KIAA1328: variants seen among roughly 807,000 people sequenced by gnomAD.
KIAA1328 encodes KIAA1328.
A neutral mutation model predicts 68.1 loss-of-function variants in KIAA1328; 52 were observed. The ratio of observed to expected loss-of-function variants is 0.76; its 90% confidence interval spans 0.61 to 0.96. The LOEUF (loss-of-function observed/expected upper bound fraction) is 0.96. KIAA1328 is among the 40% of genes least tolerant of loss of function. KIAA1328 has a pLI of 0.00. For missense variants in KIAA1328, 641 were observed against 677.6 expected (o/e 0.95, Z 0.60); for synonymous variants, 232 against 239.4 (o/e 0.97, Z 0.28).
intron 7 of KIAA1328, among the ~76,000 whole-genome samples, chr18:37,141,112 T>TG (rs2058755157): frequency 6.6e-6 from 1 of 152,208 alleles, no homozygotes; most frequent in Admixed American, 6.5e-5. Flanking sequence ...AAATATAACT[T>TG]GCATTCAGTG....
At chr18:37,116,198 G>T (rs1390890111) in intron 7 of KIAA1328, among the ~76,000 whole-genome samples, 1 of 152,084 alleles carries the variant, frequency 6.6e-6, no homozygotes, top group South Asian at 2.1e-4. Context: ...AGCCTGCATT[G>T]CCAAGTCAAT....
chr18:36,840,324 G>A (rs1212650424), intron 3 of KIAA1328, among the ~76,000 whole-genome samples: 1 of 152,086 alleles, frequency 6.6e-6, no homozygotes, highest in East Asian at 1.9e-4. Context: ...TCTGGTCCCT[G>A]TTACTCCATC....
At chr18:37,204,752 GA>G (rs2060184056) in intron 9 of KIAA1328, among the ~76,000 whole-genome samples, 1 of 122,312 alleles carries the variant, frequency 8.2e-6, no homozygotes, top group Non-Finnish European at 1.7e-5. Flanking sequence ...AATTAAAAAG[GA>G]GTTTCAGTCA....
chr18:36,953,233 T>C (rs1465818947), intron 5 of KIAA1328, among the ~76,000 whole-genome samples: 1 of 147,786 alleles, frequency 6.8e-6, no homozygotes, highest in East Asian at 1.9e-4. Context: ...ATTAAATTAT[T>C]ATATTTATAA....
intron 7 of KIAA1328, among the ~76,000 whole-genome samples, chr18:37,070,336 G>A (rs2056481350): frequency 6.6e-6 from 1 of 152,102 alleles, no homozygotes; most frequent in Non-Finnish European, 1.5e-5. Context: ...TTATTTGACA[G>A]TATTGTTGAG....
chr18:37,116,759 C>T (rs2058120980), intron 7 of KIAA1328, among the ~76,000 whole-genome samples: 1 of 152,078 alleles, frequency 6.6e-6, no homozygotes, highest in African/African-American at 2.4e-5. Flanking sequence ...TGCAATCTAA[C>T]CATCTGACAA....
At chr18:36,859,056 A>G (rs1034260208) in intron 4 of KIAA1328, among the ~76,000 whole-genome samples, 9 of 152,066 alleles carry the variant, frequency 5.9e-5, no homozygotes, top group Non-Finnish European at 1.2e-4. Flanking sequence ...TGGGCAATTA[A>G]ATTTTCTATG....
chr18:37,100,108 G>A (rs976978986), intron 7 of KIAA1328, among the ~76,000 whole-genome samples: 2 of 152,146 alleles, frequency 1.3e-5, no homozygotes, highest in Non-Finnish European at 2.9e-5. Context: ...GCAGAAGACG[G>A]GTCATTTCTG....
chr18:36,891,090 C>T (rs1022305210), intron 5 of KIAA1328, among the ~76,000 whole-genome samples: 1 of 152,118 alleles, frequency 6.6e-6, no homozygotes, highest in African/African-American at 2.4e-5. Context: ...TAGCATTTCA[C>T]AACTGTGACA....
chr18:37,066,189 G>GA (rs2056331562), intron 6 of KIAA1328, among the ~76,000 whole-genome samples: 1 of 152,208 alleles, frequency 6.6e-6, no homozygotes, highest in South Asian at 2.1e-4. Flanking sequence ...TAAAATGTTG[G>GA]AAAATCTGAC....
intron 5 of KIAA1328, among the ~76,000 whole-genome samples, chr18:36,958,747 T>C (rs1298448703): frequency 6.6e-6 from 1 of 152,206 alleles, no homozygotes; most frequent in East Asian, 1.9e-4. Context: ...TTCTTTACCA[T>C]GTCATTTCCA....
chr18:37,132,659 A>AGTTTATC (rs1331572741), intron 7 of KIAA1328, among the ~76,000 whole-genome samples: 1 of 152,232 alleles, frequency 6.6e-6, no homozygotes, highest in East Asian at 1.9e-4. Flanking sequence ...GTATTTTTAA[A>AGTTTATC]GTTTATCACA....
At chr18:37,042,336 C>T (rs1458664033) in intron 6 of KIAA1328, among the ~76,000 whole-genome samples, 1 of 152,176 alleles carries the variant, frequency 6.6e-6, no homozygotes, top group Non-Finnish European at 1.5e-5. Context: ...TCTGTAGACT[C>T]AAGTAACTGG....
intron 9 of KIAA1328, among the ~76,000 whole-genome samples, chr18:37,220,393 A>G (rs1245314202): frequency 6.6e-6 from 1 of 152,240 alleles, no homozygotes; most frequent in East Asian, 1.9e-4. Context: ...CTCATTAATA[A>G]TTGGTTCATT....
chr18:37,038,809 C>T (rs1327335133), intron 6 of KIAA1328, among the ~76,000 whole-genome samples: 1 of 151,938 alleles, frequency 6.6e-6, no homozygotes, highest in East Asian at 1.9e-4. Flanking sequence ...TGTCTTTTAC[C>T]ATTTCACTAT....
chr18:36,952,585 G>C lies in KIAA1328; in HGVS notation c.449-6723G>C, dbSNP rs755204011. ...TAAGTTATATCATTACTAAGTACCA[G>C]AGTTACGATTTGAGCCAAGAATGTT... On this transcript the variant is annotated intron_variant, in intron 5 of 9. Transcript: ENST00000280020. Among the ~76,000 whole-genome samples, 188 of 152,266 alleles carry C rather than the reference G, an allele frequency of 1.2e-3. 2 individuals are homozygous for C. The Middle Eastern group carries it at 0.027, about 22-fold the overall frequency.
At chr18:37,046,942 C>T (rs888351830) in intron 6 of KIAA1328, among the ~76,000 whole-genome samples, 7 of 152,152 alleles carry the variant, frequency 4.6e-5, no homozygotes, top group Non-Finnish European at 1.0e-4. Flanking sequence ...ACCGGCATGG[C>T]CAACACAGTG....
intron 7 of KIAA1328, among the ~76,000 whole-genome samples, chr18:37,117,322 G>A (rs1013248206): frequency 6.6e-6 from 1 of 152,154 alleles, no homozygotes; most frequent in Admixed American, 6.5e-5. Context: ...CATAAAAAAG[G>A]ATGAGTTCAT....
chr18:37,229,899 A>AC (rs2060657243), downstream of KIAA1328: 1 of 154,940 alleles, frequency 6.5e-6, no homozygotes. Context: ...AAAAAAAAAA[A>AC]AAAAAGTATC....
Sources: allele counts gnomAD v4.1 joint callset (sites outside exome capture counted in the v4.1 genomes callset), GRCh38; gene constraint gnomAD v4.1.1; transcripts MANE v1.5; gene names NCBI Gene and HGNC (gene_info 2026-07-23, HGNC 2026-07-21).